The following NR5A2 variants were observed in gnomAD, a reference collection of about 807,000 sequenced individuals.
NR5A2 encodes nuclear receptor subfamily 5 group A member 2.
Under a neutral mutation model 62.7 loss-of-function variants are expected in NR5A2, and 26 were observed. The ratio of observed to expected loss-of-function variants is 0.41; its 90% confidence interval spans 0.30 to 0.58. The LOEUF (loss-of-function observed/expected upper bound fraction) is 0.58. NR5A2 is among the 20% of genes least tolerant of loss of function. The probability of loss-of-function intolerance (pLI) is 0.22; values close to 1 mark genes in which losing one functional copy is unlikely to be tolerated. For missense variants in NR5A2, 541 were observed against 669.1 expected (o/e 0.81, Z 2.11); for synonymous variants, 246 against 241.7 (o/e 1.02, Z -0.16).
chr1:200,155,292 C>A (rs766680628), intron 7 of NR5A2, among the ~76,000 whole-genome samples: 1 of 152,216 alleles, frequency 6.6e-6, no homozygotes, highest in African/African-American at 2.4e-5. Context: ...CTTTAAAAAA[C>A]CTTTCTGCAT....
chr1:200,085,331 G>C (rs191385069), intron 5 of NR5A2, among the ~76,000 whole-genome samples: 1 of 152,228 alleles, frequency 6.6e-6, no homozygotes, highest in East Asian at 1.9e-4. Context: ...AAAAGCCCCT[G>C]GTGCTGTATT....
intron 4 of NR5A2, 78 bp downstream of exon 4, chr1:200,045,662 A>G (rs2817009): frequency 0.19 from 222,751 of 1,195,094 alleles, 25,302 homozygotes; most frequent in African/African-American, 0.49. Flanking sequence ...TACTTATAGC[A>G]TGGTAACATT....
Position 200,034,783 on chromosome 1 carries a change from C to CTTT in NR5A2, c.65-4846_65-4844dup, listed in dbSNP as rs767393832. On this transcript the variant is annotated intron_variant, in intron 1 of 7. Coordinates refer to ENST00000367362, the MANE Select transcript of NR5A2 (RefSeq NM_205860.3). ...GTTATTCACACGTGCAGCAGAAAGG[C>CTTT]TTTTTTTTTTTTTTTTTTTTTTTTT... 4.8e-3 allele frequency among the ~76,000 whole-genome samples: 344 copies of CTTT among 71,256 alleles called. 16 individuals carry two copies. Among genetic ancestry groups the CTTT allele is most frequent in the African/African-American group, 0.015 (275 of 18,894 alleles). The allele number at this position is 71,256 out of a possible 152,430, so 46.7% of individuals were successfully genotyped here. A position where few individuals can be genotyped will look rare whatever the true frequency, so the allele number is the denominator to read the frequency against.
Position 200,147,516 on chromosome 1 carries a change from C to T in NR5A2, c.1379-26447C>T. On this transcript the variant is annotated intron_variant, in intron 7 of 7. Coordinates refer to ENST00000367362, the MANE Select transcript of NR5A2 (RefSeq NM_205860.3). This position sits in a 1 kb window ranked among gnomAD's most constrained non-coding sequence, Gnocchi z 4.9. ...TGTTTCTTCATCCTTAAAATTTCTG[C>T]TGCTTTTGCTGTTTCTGTGATTTCC... 1.5e-6 allele frequency: 1 copy of T among 657,318 alleles called. No individual in the cohort carries two copies. Among genetic ancestry groups the T allele is most frequent in the Non-Finnish European group, 2.9e-6 (1 of 342,880 alleles). The allele number at this position is 657,318 out of a possible 1,614,324, so 40.7% of individuals were successfully genotyped here. A position where few individuals can be genotyped will look rare whatever the true frequency, so the allele number is the denominator to read the frequency against.
At chr1:200,136,115 C>T (rs1229068502) in intron 7 of NR5A2, among the ~76,000 whole-genome samples, 2 of 152,144 alleles carry the variant, frequency 1.3e-5, no homozygotes, top group African/African-American at 4.8e-5. Context: ...AACAATTAGG[C>T]CTCTTCCTAG....
At position 200,120,905 on chromosome 1, in the gene NR5A2, T is replaced by C. The variant is rs1359620108; in HGVS notation, c.1328T>C (p.Phe443Ser). Reference sequence around the variant, plus strand: ...GTGGCAAAACTTCGTTCTCTCCAGTTTGATCAACGAGAGTTCGTATGTCTG... The same window carrying C: ...GTGGCAAAACTTCGTTCTCTCCAGTCTGATCAACGAGAGTTCGTATGTCTG... ...ELVAKLRSLQ[F>S]DQREFVCLKF... The change falls in exon 7 of 8, where the codon TTT (phenylalanine) becomes TCT (serine). Residue 443 changes from phenylalanine to serine, a missense_variant. Coordinates refer to ENST00000367362, the MANE Select transcript of NR5A2 (RefSeq NM_205860.3). 6.2e-7 allele frequency: 1 copy of C among 1,613,640 alleles called. No individual in the cohort carries two copies. Among genetic ancestry groups the C allele is most frequent in the African/African-American group, 1.3e-5 (1 of 74,908 alleles).
intron 2 of NR5A2, 140 bp from the exon 3 acceptor site, chr1:200,043,634 G>T: frequency 1.8e-6 from 1 of 553,276 alleles, no homozygotes; most frequent in East Asian, 3.0e-5. Context: ...AGTTCAGTAA[G>T]ACCTTGCTAA....
chr1:200,089,203 TTTTGTTTTGTTTTG>T (rs1368377825), intron 5 of NR5A2, among the ~76,000 whole-genome samples: 1 of 151,974 alleles, frequency 6.6e-6, no homozygotes, highest in Non-Finnish European at 1.5e-5. Context: ...CAACTTTGGG[TTTTGTTTTGTTTTG>T]TTTGTTTTGT....
chr1:200,041,071 G>A (rs2821362), intron 2 of NR5A2, among the ~76,000 whole-genome samples: 6,812 of 152,208 alleles, frequency 0.045, 317 homozygotes, highest in African/African-American at 0.11. Context: ...TGGGGCATCG[G>A]GGAAGTGGCG....
chr1:200,098,264 C>T lies in NR5A2; in HGVS notation c.1111-12938C>T, dbSNP rs1000215239. ...GAATCACTTTCTCTTGTTTTTCCCC[C>T]AAATCGGAAGGAGTGTCTATCTAGA... On this transcript the variant is annotated intron_variant, in intron 5 of 7. Transcript: ENST00000367362. 4.1e-4 allele frequency among the ~76,000 whole-genome samples: 62 copies of T among 152,264 alleles called. 1 individual carries two copies. Among genetic ancestry groups the T allele is most frequent in the African/African-American group, 1.4e-3 (60 of 41,540 alleles).
rs192285616 is a variant in NR5A2, at chr1:200,082,277, T to C, written c.1111-28925T>C. On this transcript the variant is annotated intron_variant, in intron 5 of 7. Coordinates refer to ENST00000367362, the MANE Select transcript of NR5A2 (RefSeq NM_205860.3). ...ACAGACTTGGATAAAACAGATGCAC[T>C]ATTTAAAAGATGAATAGGTTTACAT... Among the ~76,000 whole-genome samples the C allele has an allele frequency of 1.8e-4, 27 of 152,370 alleles. No homozygotes were observed. In the East Asian group the frequency reaches 5.0e-3, roughly 28 times the overall value.
intron 5 of NR5A2, among the ~76,000 whole-genome samples, chr1:200,097,851 T>C (rs1419170623): frequency 6.6e-6 from 1 of 152,146 alleles, no homozygotes; most frequent in Admixed American, 6.5e-5. Context: ...AGGAAGAATA[T>C]GAAAGTAGAG....
In NR5A2 at chr1:200,051,949, AAC is replaced by A. The variant is rs541048158; in HGVS notation, c.1110+3135_1110+3136del. Among the ~76,000 whole-genome samples the A allele has an allele frequency of 1.2e-4, 18 of 152,300 alleles. No individual in the cohort carries two copies. The South Asian group carries it at 3.7e-3, about 32-fold the overall frequency. ...ACACACAGAGATGCACAAACATACA[AAC>A]ACATACACACAACTAAACCAAAGTT... On this transcript the variant is annotated intron_variant, in intron 5 of 7. Transcript: ENST00000367362.
chr1:200,050,561 A>G (rs1662583030), intron 5 of NR5A2, among the ~76,000 whole-genome samples: 1 of 152,204 alleles, frequency 6.6e-6, no homozygotes, highest in Non-Finnish European at 1.5e-5. Flanking sequence ...TCTGGCATAT[A>G]CTACATACTC....
At chr1:200,029,111 C>T (rs766160561) in intron 1 of NR5A2, 46 of 442,866 alleles carry the variant, frequency 1.0e-4, no homozygotes, top group Non-Finnish European at 2.0e-4. Flanking sequence ...CGGGCAGAAC[C>T]GCCGCGGTGC....
intron 7 of NR5A2, among the ~76,000 whole-genome samples, chr1:200,171,350 G>A (rs559858728): frequency 3.9e-5 from 6 of 152,318 alleles, no homozygotes; most frequent in African/African-American, 1.4e-4. Context: ...AGTATATTTA[G>A]CCAAAATATG....
chr1:200,147,871 T>C lies in NR5A2; in HGVS notation c.1379-26092T>C. On this transcript the variant is annotated intron_variant, in intron 7 of 7. Transcript: ENST00000367362. This position sits in a 1 kb window ranked among gnomAD's most constrained non-coding sequence, Gnocchi z 4.9. The stretch of plus-strand genomic sequence containing the variant: ...TATGGCCACCTGCTTGTAGGCGCAG[T>C]CCCCGGAGCGGTGGCCGGCGCGCGG... 1 of 418,724 alleles carries C rather than the reference T, an allele frequency of 2.4e-6. No homozygotes were observed. Among genetic ancestry groups the C allele is most frequent in the Non-Finnish European group, 4.4e-6 (1 of 225,262 alleles). The allele number at this position is 418,724 out of a possible 1,614,324, so 25.9% of individuals were successfully genotyped here.
At chr1:200,044,014 AAGAG>A (rs926939294) in intron 3 of NR5A2, 122 bp downstream of exon 3, 22 of 639,436 alleles carry the variant, frequency 3.4e-5, no homozygotes, top group Admixed American at 2.2e-4. Context: ...ATGAGGGAGA[AAGAG>A]AGAGTCTTAG....
intron 5 of NR5A2, among the ~76,000 whole-genome samples, chr1:200,062,639 T>C (rs991409796): frequency 1.3e-5 from 2 of 152,218 alleles, no homozygotes; most frequent in African/African-American, 4.8e-5. Context: ...TCAAATGTAA[T>C]TGGGGAGCTT....
Sources: allele counts gnomAD v4.1 joint callset (sites outside exome capture counted in the v4.1 genomes callset), GRCh38; gene constraint gnomAD v4.1.1; non-coding constraint Gnocchi (gnomAD v3.1); transcripts MANE v1.5; gene names NCBI Gene and HGNC (gene_info 2026-07-23, HGNC 2026-07-21).